Variants in TAF4B observed in about 807,000 individuals in gnomAD.
The protein encoded by TAF4B is transcription initiation factor TFIID subunit 4B.
A neutral mutation model predicts 86.4 loss-of-function variants in TAF4B; 38 were observed. The ratio of observed to expected loss-of-function variants is 0.44; its 90% CI spans 0.34 to 0.58. The LOEUF (loss-of-function observed/expected upper bound fraction) is 0.58, where lower values mean the gene tolerates loss of function less well. TAF4B is among the 20% of genes least tolerant of loss of function. The probability of loss-of-function intolerance (pLI) is 0.02; values close to 1 mark genes in which losing one functional copy is unlikely to be tolerated. For synonymous variants in TAF4B, 388 were observed against 391.2 expected (o/e 0.99, Z 0.10); for missense variants, 988 against 1,027.6 (o/e 0.96, Z 0.53).
At chr18:26,229,062 G>A (rs762380954) in intron 1 of TAF4B, among the ~76,000 whole-genome samples, 13 of 151,994 alleles carry the variant, frequency 8.6e-5, no homozygotes, top group Non-Finnish European at 1.2e-4. Context: ...GTATGTGTAC[G>A]GTATGCCTCA....
At position 26,287,799 on chromosome 18, in the gene TAF4B, G is replaced by A. The variant is rs1482249389; in HGVS notation, c.1590+1300G>A. Among the ~76,000 whole-genome samples the A allele has an allele frequency of 3.3e-5, 5 of 152,164 alleles. No homozygotes were observed. In the East Asian group the frequency reaches 9.6e-4, roughly 29 times the overall value. On this transcript the variant is annotated intron_variant, in intron 7 of 14. Transcript: ENST00000269142. ...AGGTATCTGAGTGATTGTCGTCTGAGGCAACAGGGCAGCTTTGGACATAGA... is the reference window on the plus strand; with the variant it reads ...AGGTATCTGAGTGATTGTCGTCTGAAGCAACAGGGCAGCTTTGGACATAGA...
intron 9 of TAF4B, among the ~76,000 whole-genome samples, chr18:26,308,480 G>A (rs1280279103): frequency 1.3e-5 from 2 of 152,084 alleles, no homozygotes; most frequent in Admixed American, 6.5e-5. Flanking sequence ...AGGAGATAGG[G>A]CATATCTTAT....
chr18:26,390,013 C>G lies in TAF4B; in HGVS notation c.*1C>G. 1 of 1,613,186 alleles carries G rather than the reference C, an allele frequency of 6.2e-7. No homozygotes were observed. Among genetic ancestry groups the G allele is most frequent in the Non-Finnish European group, 8.5e-7 (1 of 1,179,586 alleles). ...TCTATACCTGGCCCTTCTGAAGTGA[C>G]CACTCCACTCTTCCATCCAGATCCT... On this transcript the variant is annotated 3_prime_UTR_variant, in exon 15 of 15. Coordinates refer to ENST00000269142, the MANE Select transcript of TAF4B (RefSeq NM_005640.3).
intron 13 of TAF4B, among the ~76,000 whole-genome samples, chr18:26,342,474 A>G (rs891856100): frequency 1.3e-5 from 2 of 152,124 alleles, no homozygotes; most frequent in African/African-American, 2.4e-5. Flanking sequence ...TCTGTTTTCA[A>G]TAGTTTTTAA....
chr18:26,270,543 G>C (rs975549003), intron 3 of TAF4B, among the ~76,000 whole-genome samples: 1 of 152,158 alleles, frequency 6.6e-6, no homozygotes, highest in African/African-American at 2.4e-5. Context: ...TTGAACTCCT[G>C]GGGCTCAAGC....
At chr18:26,245,934 C>A (rs540838713) in intron 1 of TAF4B, among the ~76,000 whole-genome samples, 6 of 152,288 alleles carry the variant, frequency 3.9e-5, no homozygotes, top group Non-Finnish European at 5.9e-5. Flanking sequence ...AAAAATGATG[C>A]TGTGATAAAC....
chr18:26,272,454 A>G (rs954783295), intron 3 of TAF4B, among the ~76,000 whole-genome samples: 1 of 152,108 alleles, frequency 6.6e-6, no homozygotes, highest in Non-Finnish European at 1.5e-5. Flanking sequence ...GCTATACTAG[A>G]AAGTGTTATG....
At chr18:26,341,439 C>G (rs954837095) in intron 13 of TAF4B, among the ~76,000 whole-genome samples, 1 of 151,478 alleles carries the variant, frequency 6.6e-6, no homozygotes, top group African/African-American at 2.4e-5. Context: ...AGGATGACAA[C>G]TGAAAAAAAA....
intron 5 of TAF4B, among the ~76,000 whole-genome samples, chr18:26,277,659 A>T (rs997007147): frequency 2.6e-5 from 4 of 152,116 alleles, no homozygotes; most frequent in African/African-American, 9.7e-5. Flanking sequence ...TTATTTTTTT[A>T]AAAATAGCTT....
chr18:26,308,650 A>G lies in TAF4B; in HGVS notation c.1833-6579A>G, dbSNP rs573383805. ...CACTTTGGGAGGCCGAGGTGGGCGG[A>G]TCATCTGAGGTCTGGAGTTCGAGAT... On this transcript the variant is annotated intron_variant, in intron 9 of 14. Transcript: ENST00000269142. Among the ~76,000 whole-genome samples the G allele has an allele frequency of 1.4e-3, 208 of 152,172 alleles. 2 individuals carry two copies. The highest frequency in any genetic ancestry group is 2.0e-3 in the Non-Finnish European group (135 of 68,012).
At chr18:26,278,276 T>C (rs1480541444) in intron 5 of TAF4B, among the ~76,000 whole-genome samples, 1 of 152,152 alleles carries the variant, frequency 6.6e-6, no homozygotes, top group South Asian at 2.1e-4. Flanking sequence ...CATCCAAGGA[T>C]GTTTCAAAGT....
intron 9 of TAF4B, among the ~76,000 whole-genome samples, chr18:26,296,027 A>G (rs1568135300): frequency 6.6e-6 from 1 of 151,346 alleles, no homozygotes; most frequent in Non-Finnish European, 1.5e-5. Context: ...GGAGTGTAAT[A>G]GTATGGATTT....
chr18:26,321,548 CTTTT>C (rs35766251), intron 11 of TAF4B, among the ~76,000 whole-genome samples: 2 of 140,684 alleles, frequency 1.4e-5, no homozygotes, highest in Admixed American at 7.1e-5. Context: ...ATTCCTGTTC[CTTTT>C]TTTTTTTTTG....
At chr18:26,303,615 T>C (rs2056764395) in intron 9 of TAF4B, among the ~76,000 whole-genome samples, 1 of 120,828 alleles carries the variant, frequency 8.3e-6, no homozygotes, top group Non-Finnish European at 1.7e-5. Context: ...CCCTCCACTT[T>C]CATCCTCCCT....
At chr18:26,331,464 C>CGGT (rs151059574) in intron 12 of TAF4B, among the ~76,000 whole-genome samples, 3,227 of 152,154 alleles carry the variant, frequency 0.021, 95 homozygotes, top group African/African-American at 0.073. Context: ...TGGACTCATA[C>CGGT]CATTAACTCC....
At chr18:26,338,563 C>G (rs1429964494) in intron 13 of TAF4B, among the ~76,000 whole-genome samples, 2 of 146,582 alleles carry the variant, frequency 1.4e-5, no homozygotes, top group African/African-American at 2.5e-5. Context: ...ACTGCAACCT[C>G]TGCCTCCCAG....
intron 9 of TAF4B, among the ~76,000 whole-genome samples, chr18:26,305,617 G>T: frequency 6.6e-6 from 1 of 152,102 alleles, no homozygotes. Context: ...ATGTTGGCCA[G>T]GCCAGTCTCA....
In TAF4B at chr18:26,304,728, AT is replaced by A. The variant is rs2056776828; in HGVS notation, c.1833-10500del. 7.1e-6 allele frequency: 7 copies of A among 985,394 alleles called. No homozygotes were observed. The East Asian group carries it at 4.5e-4, about 64-fold the overall frequency. The allele number at this position is 985,394 out of a possible 1,614,324, so 61.0% of individuals were successfully genotyped here. A position where few individuals can be genotyped will look rare whatever the true frequency, so the allele number is the denominator to read the frequency against. ...CCCTTGAGGCAATTCTTCCTTTAGG[AT>A]ATGCTTATTGCTGATTTTTACTGAC... On this transcript the variant is annotated intron_variant, in intron 9 of 14. Coordinates refer to ENST00000269142, the MANE Select transcript of TAF4B (RefSeq NM_005640.3).
At chr18:26,261,971 A>AC (rs1263008551) in intron 1 of TAF4B, among the ~76,000 whole-genome samples, 2 of 152,152 alleles carry the variant, frequency 1.3e-5, no homozygotes, top group Non-Finnish European at 2.9e-5. Context: ...TGCTCTAGGA[A>AC]CAAGGTACTG....
Sources: gnomAD v4.1 joint callset for allele counts (sites outside exome capture counted in the v4.1 genomes callset) on GRCh38, gnomAD v4.1.1 for gene constraint, MANE v1.5 for transcripts, NCBI Gene and HGNC (gene_info 2026-07-23, HGNC 2026-07-21) for gene names.